The following PRADC1 variants were observed in gnomAD, a reference collection of about 807,000 sequenced individuals.
PRADC1 encodes protease associated domain containing 1.
A neutral mutation model predicts 22.9 loss-of-function variants in PRADC1; 23 were observed. That is an observed-to-expected ratio of 1.00 (90% CI 0.72 to 1.42). The LOEUF (loss-of-function observed/expected upper bound fraction) is 1.42, where lower values mean the gene tolerates loss of function less well. Among genes scored for constraint, PRADC1 ranks in the 40% most tolerant of loss-of-function variants. The pLI, the probability that PRADC1 is intolerant of heterozygous loss-of-function variation, is 0.00. For synonymous variants in PRADC1, 71 were observed against 100.3 expected, an observed-to-expected ratio of 0.71 and a Z score of 1.75; for missense variants, 207 against 258.3, an observed-to-expected ratio of 0.80 and a Z score of 1.36.
intron 3 of PRADC1, 91 bp from the exon 4 acceptor site, chr2:73,229,053 T>C: frequency 1.8e-6 from 2 of 1,130,304 alleles, no homozygotes; most frequent in Admixed American, 2.6e-5. Flanking sequence ...AGGCAGACTA[T>C]GAAGAATCTG....
In PRADC1 at chr2:73,232,535, C is replaced by T. The variant is rs575880832; in HGVS notation, c.67+559G>A. 6.7e-5 allele frequency among the ~76,000 whole-genome samples: 10 copies of T among 149,376 alleles called. No individual in the cohort carries two copies. In the East Asian group the frequency reaches 1.5e-3, roughly 23 times the overall value. Reference sequence around the variant, plus strand: ...AGTCCTGGGAGTGGGGACTCCCTCTCGGATACAAATACACCCCCAGAAAGC... The same window carrying T: ...AGTCCTGGGAGTGGGGACTCCCTCTTGGATACAAATACACCCCCAGAAAGC... On this transcript the variant is annotated intron_variant, in intron 1 of 4. Transcript: ENST00000258083.
chr2:73,229,332 A>T, intron 3 of PRADC1, 129 bp downstream of exon 3: 1 of 748,276 alleles, frequency 1.3e-6, no homozygotes, highest in South Asian at 1.6e-5. Flanking sequence ...TGCCCAGGCT[A>T]GACATTTCTT....
At position 73,233,166 on chromosome 2, in the gene PRADC1, G is replaced by A. The variant is rs981201937; in HGVS notation, c.-6C>T. The A allele has an allele frequency of 3.9e-5, 15 of 386,960 alleles. No homozygotes were observed. The Middle Eastern group carries it at 3.1e-3, about 79-fold the overall frequency. 24.0% of individuals were successfully genotyped at this position (386,960 alleles called of 1,614,324 possible). A position where few individuals can be genotyped will look rare whatever the true frequency, so the allele number is the denominator to read the frequency against. On this transcript the variant is annotated 5_prime_UTR_variant, in exon 1 of 5. Transcript: ENST00000258083. ...CCCGCGGCGCCGGGGACCATCTCCA[G>A]GGCCGGGCCCGGCCCGGCGCCGCGT...
chr2:73,228,295 G>A lies in PRADC1; in HGVS notation c.*159C>T, dbSNP rs1207253088. The A allele has an allele frequency of 4.7e-6, 4 of 856,064 alleles. No homozygotes were observed. The East Asian group carries it at 1.1e-4, about 23-fold the overall frequency. 53.0% of individuals were successfully genotyped at this position (856,064 alleles called of 1,614,324 possible). ...GGGCCCTGGGGAAGGGAAGGCCAGT[G>A]GTGTGGCTTCCCTTTCAGCCTAGCA... On this transcript the variant is annotated 3_prime_UTR_variant, in exon 5 of 5. Coordinates refer to ENST00000258083, the MANE Select transcript of PRADC1 (RefSeq NM_032319.3). This position sits in a 1 kb window ranked among gnomAD's most constrained non-coding sequence, Gnocchi z 4.0.
At chr2:73,231,401 G>A (rs970156833) in intron 1 of PRADC1, among the ~76,000 whole-genome samples, 1 of 151,452 alleles carries the variant, frequency 6.6e-6, no homozygotes, top group African/African-American at 2.4e-5. Flanking sequence ...TTACAGGCGT[G>A]AGCCACCGCG....
Position 73,228,272 on chromosome 2 carries a change from G to A in PRADC1, c.*182C>T, listed in dbSNP as rs1004720435. The A allele has an allele frequency of 7.2e-6, 5 of 690,852 alleles. No homozygotes were observed. Among genetic ancestry groups the A allele is most frequent in the Admixed American group, 5.6e-5 (2 of 35,930 alleles). 42.8% of individuals were successfully genotyped at this position (690,852 alleles called of 1,614,324 possible). ...CTTGTAGCATGAGACACCCTTGGGG[G>A]CCCTGGGGAAGGGAAGGCCAGTGGT... On this transcript the variant is annotated 3_prime_UTR_variant, in exon 5 of 5. Coordinates refer to ENST00000258083, the MANE Select transcript of PRADC1 (RefSeq NM_032319.3). This position sits in a 1 kb window ranked among gnomAD's most constrained non-coding sequence, Gnocchi z 4.0.
At chr2:73,232,459 C>T (rs1463290659) in intron 1 of PRADC1, among the ~76,000 whole-genome samples, 1 of 152,168 alleles carries the variant, frequency 6.6e-6, no homozygotes, top group Admixed American at 6.5e-5. Context: ...TGTTTACTGC[C>T]CAAATCACAG....
At chr2:73,230,070 G>C (rs780331510) in intron 2 of PRADC1, 43 bp downstream of exon 2, 3 of 1,333,378 alleles carry the variant, frequency 2.2e-6, no homozygotes, top group Non-Finnish European at 3.2e-6. Context: ...TGAGGGGAAG[G>C]GGGAGGTTGA....
At chr2:73,229,897 A>G (rs1211003791) in intron 2 of PRADC1, 7 of 588,082 alleles carry the variant, frequency 1.2e-5, no homozygotes, top group Non-Finnish European at 2.1e-5. Flanking sequence ...CATGTCCCCT[A>G]AAAAGACAAC....
At chr2:73,230,558 A>G (rs1020876747) in intron 1 of PRADC1, among the ~76,000 whole-genome samples, 4 of 152,212 alleles carry the variant, frequency 2.6e-5, no homozygotes, top group Non-Finnish European at 4.4e-5. Flanking sequence ...AATTCTCACT[A>G]AAATTTAAAA....
chr2:73,229,091 A>C, intron 3 of PRADC1, 129 bp from the exon 4 acceptor site: 1 of 800,900 alleles, frequency 1.2e-6, no homozygotes, highest in Admixed American at 2.9e-5. Context: ...TAAATAGCTA[A>C]AAGCATGGAT....
In PRADC1 at chr2:73,233,079, C is replaced by T. The variant is rs1332164694; in HGVS notation, c.67+15G>A. 17 of 1,538,290 alleles carry T rather than the reference C, an allele frequency of 1.1e-5. No individual in the cohort carries two copies. The highest frequency in any genetic ancestry group is 1.4e-5 in the African/African-American group (1 of 71,280). On this transcript the variant is annotated intron_variant, in intron 1 of 4. Coordinates refer to ENST00000258083, the MANE Select transcript of PRADC1 (RefSeq NM_032319.3). Reference sequence around the variant, plus strand: ...AGCCCCGCCCTGCAACGCAGTCCCACCCGTTGCCGCTCACCGTGGGCCGCG... The same window carrying T: ...AGCCCCGCCCTGCAACGCAGTCCCATCCGTTGCCGCTCACCGTGGGCCGCG...
chr2:73,229,096 A>G (rs1402792286), intron 3 of PRADC1, 134 bp from the exon 4 acceptor site: 4 of 787,906 alleles, frequency 5.1e-6, no homozygotes, highest in Non-Finnish European at 8.1e-6. Flanking sequence ...AGCTAAAAGC[A>G]TGGATAATTT....
rs759769772 is a variant in PRADC1, at chr2:73,228,429, T to C, written c.*25A>G. 2.9e-5 allele frequency: 46 copies of C among 1,612,964 alleles called. No homozygotes were observed. The Middle Eastern group carries it at 5.3e-4, about 19-fold the overall frequency. ...CCCCTTCCCAGCTCAGAGTCACTTA[T>C]GGCTGGAATGTGGGACAAACTCTTC... is the stretch of plus-strand genomic sequence containing the variant. On this transcript the variant is annotated 3_prime_UTR_variant, in exon 5 of 5. Transcript: ENST00000258083. The surrounding 1 kb of genome is among the most constrained non-coding windows in gnomAD (Gnocchi z 4.0).
rs1686704332 is a variant in PRADC1, at chr2:73,233,229, T to C, written c.-69A>G. 4 of 1,083,438 alleles carry C rather than the reference T, an allele frequency of 3.7e-6. No individual in the cohort carries two copies. The highest frequency in any genetic ancestry group is 2.0e-5 in the South Asian group (1 of 50,958). The allele number at this position is 1,083,438 out of a possible 1,614,324, so 67.1% of individuals were successfully genotyped here. A position where few individuals can be genotyped will look rare whatever the true frequency, so the allele number is the denominator to read the frequency against. On this transcript the variant is annotated 5_prime_UTR_variant, in exon 1 of 5. Transcript: ENST00000258083. ...CCCCGCCGCGCGTCGCTCGCAGGAC[T>C]TCAGCCTGACAGCTGCTCCGGCCTC...
intron 2 of PRADC1, 30 bp downstream of exon 2, chr2:73,230,083 A>C: frequency 1.4e-6 from 2 of 1,464,208 alleles, no homozygotes; most frequent in Non-Finnish European, 1.9e-6. Context: ...GAGGTTGAGG[A>C]TCAGAGATCA....
chr2:73,229,620 T>A (rs187710344), intron 2 of PRADC1, 50 bp from the exon 3 acceptor site: 8 of 1,415,960 alleles, frequency 5.6e-6, no homozygotes, highest in Non-Finnish European at 8.0e-6. Flanking sequence ...GAGACACACC[T>A]GCTTTAGGAC....
At position 73,228,672 on chromosome 2, in the gene PRADC1, T is replaced by C; in HGVS notation, c.447-98A>G. ...TCTGGGAGTTCCAAAGCCCGAGATC[T>C]TTTTTTGCCCTCTAACTGAAGCACC... On this transcript the variant is annotated intron_variant, in intron 4 of 4. Coordinates refer to ENST00000258083, the MANE Select transcript of PRADC1 (RefSeq NM_032319.3). The surrounding 1 kb of genome is among the most constrained non-coding windows in gnomAD (Gnocchi z 4.0). 1 of 1,591,646 alleles carries C rather than the reference T, an allele frequency of 6.3e-7. No individual in the cohort carries two copies. The highest frequency in any genetic ancestry group is 8.6e-7 in the Non-Finnish European group (1 of 1,165,702).
At chr2:73,232,328 C>G (rs1686664007) in intron 1 of PRADC1, among the ~76,000 whole-genome samples, 1 of 140,176 alleles carries the variant, frequency 7.1e-6, no homozygotes, top group Non-Finnish European at 1.5e-5. Flanking sequence ...CAGAGCAAGA[C>G]TCCGTCTCAA....
Sources: allele counts gnomAD v4.1 joint callset (sites outside exome capture counted in the v4.1 genomes callset), GRCh38; gene constraint gnomAD v4.1.1; non-coding constraint Gnocchi (gnomAD v3.1); transcripts MANE v1.5; gene names NCBI Gene and HGNC (gene_info 2026-07-23, HGNC 2026-07-21).